The following YTHDF2 variants were observed in gnomAD, a reference collection of about 807,000 sequenced individuals.
The protein encoded by YTHDF2 is YTH N6-methyladenosine RNA binding protein F2.
Under a neutral mutation model 50.4 loss-of-function variants are expected in YTHDF2, and 2 were observed. The observed-to-expected ratio is 0.04, with a 90% CI of 0.02 to 0.12. The LOEUF is 0.12. Among genes scored for constraint, YTHDF2 ranks in the 10% least tolerant of loss-of-function variants. YTHDF2 has a pLI of 1.00. For missense variants in YTHDF2, 483 were observed against 722.6 expected, an observed-to-expected ratio of 0.67 and a Z score of 3.80; for synonymous variants, 217 against 255.6, an observed-to-expected ratio of 0.85 and a Z score of 1.44.
intron 4 of YTHDF2, among the ~76,000 whole-genome samples, chr1:28,756,781 T>C (rs564383738): frequency 5.3e-5 from 8 of 150,588 alleles, no homozygotes; most frequent in African/African-American, 2.0e-4. Context: ...GCTTACAGCA[T>C]TGGCTTTGCC....
chr1:28,763,118 C>G (rs1273152985), intron 4 of YTHDF2, among the ~76,000 whole-genome samples: 2 of 152,084 alleles, frequency 1.3e-5, no homozygotes, highest in Non-Finnish European at 2.9e-5. Flanking sequence ...TGAGCCACTG[C>G]ACCCAGCCGA....
At chr1:28,737,800 G>T in intron 2 of YTHDF2, 118 bp downstream of exon 2, 1 of 1,208,758 alleles carries the variant, frequency 8.3e-7, no homozygotes, top group Non-Finnish European at 1.2e-6. Flanking sequence ...GTTCGCAGGT[G>T]CCGCACACTT....
At chr1:28,738,690 T>C (rs1425920573) in intron 3 of YTHDF2, among the ~76,000 whole-genome samples, 1 of 152,174 alleles carries the variant, frequency 6.6e-6, no homozygotes, top group Non-Finnish European at 1.5e-5. Flanking sequence ...TCACCCGCCT[T>C]GGCCTCCCAA....
Position 28,769,159 on chromosome 1 carries a change from A to C in YTHDF2, c.*207A>C. 5.0e-6 allele frequency: 2 copies of C among 401,742 alleles called. No homozygotes were observed. The highest frequency in any genetic ancestry group is 7.7e-5 in the East Asian group (2 of 25,836). 24.9% of individuals were successfully genotyped at this position (401,742 alleles called of 1,614,324 possible). ...AAAAGAAAAAGAAAAAACTAAACAA[A>C]AAATCCCTCTAGGTAGTTTAGGTGA... On this transcript the variant is annotated 3_prime_UTR_variant, in exon 5 of 5. Transcript: ENST00000373812.
At chr1:28,737,201 A>C (rs2087703562) in intron 1 of YTHDF2, 54 bp downstream of exon 1, 1 of 1,516,110 alleles carries the variant, frequency 6.6e-7, no homozygotes, top group South Asian at 1.2e-5. Flanking sequence ...AAGGAGCCCG[A>C]CTAGGCCCGG....
chr1:28,761,444 T>G (rs149010550), intron 4 of YTHDF2, among the ~76,000 whole-genome samples: 208 of 152,160 alleles, frequency 1.4e-3, no homozygotes, highest in African/African-American at 4.5e-3. Flanking sequence ...GGCCTAATGT[T>G]TAAAAATTTC....
At chr1:28,745,729 C>CCA (rs2087848421) in intron 4 of YTHDF2, among the ~76,000 whole-genome samples, 1 of 110,314 alleles carries the variant, frequency 9.1e-6, no homozygotes, top group Non-Finnish European at 2.0e-5. Context: ...CCCCCGCCCC[C>CCA]CCCCCCCAAA....
At chr1:28,764,834 G>A (rs963745366) in intron 4 of YTHDF2, among the ~76,000 whole-genome samples, 4 of 151,966 alleles carry the variant, frequency 2.6e-5, no homozygotes, top group Non-Finnish European at 5.9e-5. Flanking sequence ...GTGATCCACC[G>A]TGCCAGGCCT....
At chr1:28,768,602 T>A (rs1056514104) in intron 4 of YTHDF2, among the ~76,000 whole-genome samples, 1 of 152,186 alleles carries the variant, frequency 6.6e-6, no homozygotes, top group African/African-American at 2.4e-5. Flanking sequence ...GTATTCTGCT[T>A]TATCTGACCA....
chr1:28,736,820 G>C, upstream of YTHDF2: 1 of 394,548 alleles, frequency 2.5e-6, no homozygotes, highest in Middle Eastern at 7.1e-4. Flanking sequence ...GTGAGTGAAT[G>C]TGAGAGTCAG....
At chr1:28,751,724 A>G (rs1039606044) in intron 4 of YTHDF2, among the ~76,000 whole-genome samples, 4 of 152,220 alleles carry the variant, frequency 2.6e-5, no homozygotes, top group Non-Finnish European at 4.4e-5. Context: ...ACAGAGAAAC[A>G]AGGCACCATC....
intron 3 of YTHDF2, among the ~76,000 whole-genome samples, chr1:28,741,110 A>T (rs1296845974): frequency 6.7e-6 from 1 of 149,902 alleles, no homozygotes; most frequent in African/African-American, 2.5e-5. Flanking sequence ...CAATTCTCCC[A>T]CCTTAGCCTC....
Position 28,764,850 on chromosome 1 carries a change from TTTTTTTG to T in YTHDF2, c.1717-4058_1717-4052del, listed in dbSNP as rs974264974. ...TGATCCACCGTGCCAGGCCTTAATG[TTTTTTTG>T]TTTTTTGTTTTTTGTTTTTTTTTTA... On this transcript the variant is annotated intron_variant, in intron 4 of 4. Transcript: ENST00000373812. Among the ~76,000 whole-genome samples the T allele has an allele frequency of 1.6e-4, 25 of 152,152 alleles. 1 individual carries two copies. Among genetic ancestry groups the T allele is most frequent in the South Asian group, 1.0e-3 (5 of 4,826 alleles).
At chr1:28,744,579 C>T (rs750084140) in intron 4 of YTHDF2, among the ~76,000 whole-genome samples, 3 of 152,122 alleles carry the variant, frequency 2.0e-5, no homozygotes, top group South Asian at 2.1e-4. Context: ...GAGTTGGTAG[C>T]GTTTGCTCTG....
chr1:28,753,037 T>G (rs543864862), intron 4 of YTHDF2, among the ~76,000 whole-genome samples: 1 of 151,942 alleles, frequency 6.6e-6, no homozygotes, highest in Non-Finnish European at 1.5e-5. Flanking sequence ...AGCAGGAGAC[T>G]GTCCCTAGAA....
Position 28,743,262 on chromosome 1 carries a change from C to A in YTHDF2, c.992C>A (p.Pro331Gln). Residue 331 changes from proline (P) to glutamine (Q), a missense_variant, in exon 4 of 5, where the codon CCA (proline) becomes CAA (glutamine). Physicochemically the swap from Pro to Gln is moderately conservative, Grantham distance 76. Around this residue, in one of 4 missense-constraint regions of YTHDF2, gnomAD observed 385 missense variants for 475.8 expected, o/e 0.81. Coordinates refer to ENST00000373812, the MANE Select transcript of YTHDF2 (RefSeq NM_016258.3). The surrounding 1 kb of genome is among the most constrained non-coding windows in gnomAD (Gnocchi z 6.9). ...SVGQQTQPLP[P>Q]PPPQPAQLSV... Reference sequence around the variant, plus strand: ...GGGCAACAGACACAGCCATTGCCTCCACCTCCACCACAGCCTGCCCAGCTT... The same window carrying A: ...GGGCAACAGACACAGCCATTGCCTCAACCTCCACCACAGCCTGCCCAGCTT... 1 of 1,614,142 alleles carries A rather than the reference C, an allele frequency of 6.2e-7. No individual in the cohort carries two copies. The highest frequency in any genetic ancestry group is 8.5e-7 in the Non-Finnish European group (1 of 1,180,036).
At chr1:28,745,552 C>T (rs186777818) in intron 4 of YTHDF2, among the ~76,000 whole-genome samples, 98 of 151,782 alleles carry the variant, frequency 6.5e-4, no homozygotes, top group Middle Eastern at 3.4e-3. Flanking sequence ...ATGGAGAAAC[C>T]CCGTTTCTAT....
At chr1:28,747,045 G>A (rs1209910283) in intron 4 of YTHDF2, among the ~76,000 whole-genome samples, 1 of 152,030 alleles carries the variant, frequency 6.6e-6, no homozygotes, top group Non-Finnish European at 1.5e-5. Flanking sequence ...TGGTGCCATT[G>A]CACTCCAGCC....
At chr1:28,748,825 C>A (rs2087904665) in intron 4 of YTHDF2, among the ~76,000 whole-genome samples, 2 of 152,154 alleles carry the variant, frequency 1.3e-5, no homozygotes, top group South Asian at 4.1e-4. Flanking sequence ...TTGTTGGCTT[C>A]ATAGTATTGT....
Sources: gnomAD v4.1 joint callset for allele counts (sites outside exome capture counted in the v4.1 genomes callset) on GRCh38, gnomAD v4.1.1 for gene constraint, gnomAD v4.1.1 regional missense constraint, Gnocchi (gnomAD v3.1) non-coding constraint, MANE v1.5 for transcripts, NCBI Gene and HGNC (gene_info 2026-07-23, HGNC 2026-07-21) for gene names.